Variants in EML4 observed in about 807,000 individuals in gnomAD.
EML4 encodes EMAP like 4, also known as echinoderm microtubule-associated protein-like 4.
EML4 carries 72 observed loss-of-function variants against 129.0 expected under a neutral mutation model. The ratio of observed to expected loss-of-function variants is 0.56; its 90% confidence interval spans 0.46 to 0.68. The LOEUF is 0.68. Among genes scored for constraint, EML4 ranks in the 30% least tolerant of loss-of-function variants. The pLI is 0.00. For missense variants in EML4, 1,363 were observed against 1,190.6 expected, an observed-to-expected ratio of 1.14 and a Z score of -2.13; for synonymous variants, 532 against 405.0, an observed-to-expected ratio of 1.31 and a Z score of -3.77.
Position 42,174,539 on chromosome 2 carries a change from C to T in EML4, c.25+4903C>T, listed in dbSNP as rs201949366. ...CCCCTGACCTCGGGTGATGGCCACGCACCTTGGCCTCCCAAAGTTCTGGGA... is the reference window on the plus strand; with the variant it reads ...CCCCTGACCTCGGGTGATGGCCACGTACCTTGGCCTCCCAAAGTTCTGGGA... On this transcript the variant is annotated intron_variant, in intron 1 of 22. Coordinates refer to ENST00000318522, the MANE Select transcript of EML4 (RefSeq NM_019063.5). Among the ~76,000 whole-genome samples, 10 of 152,274 alleles carry T rather than the reference C, an allele frequency of 6.6e-5. No individual in the cohort carries two copies. The East Asian group carries it at 1.9e-3, about 29-fold the overall frequency.
At chr2:42,239,981 T>G (rs1475453676) in intron 1 of EML4, among the ~76,000 whole-genome samples, 2 of 152,146 alleles carry the variant, frequency 1.3e-5, no homozygotes, top group South Asian at 4.1e-4. Context: ...AATATAGTCA[T>G]CAGAGGAAGG....
intron 1 of EML4, among the ~76,000 whole-genome samples, chr2:42,207,215 A>C (rs1672610061): frequency 6.6e-6 from 1 of 152,228 alleles, no homozygotes; most frequent in Admixed American, 6.5e-5. Flanking sequence ...TTATAAAAGT[A>C]ATTTTTAAAT....
intron 11 of EML4, among the ~76,000 whole-genome samples, chr2:42,292,334 T>C (rs1326618505): frequency 1.3e-5 from 2 of 152,216 alleles, no homozygotes; most frequent in African/African-American, 4.8e-5. Flanking sequence ...CAAATAGCAG[T>C]GCTGTTTATG....
intron 1 of EML4, among the ~76,000 whole-genome samples, chr2:42,189,307 T>A (rs1252058891): frequency 6.6e-6 from 1 of 152,224 alleles, no homozygotes. Context: ...ATGTCTCCTA[T>A]CCCACTACCA....
chr2:42,210,033 A>G (rs971539056), intron 1 of EML4, among the ~76,000 whole-genome samples: 1 of 152,172 alleles, frequency 6.6e-6, no homozygotes. Flanking sequence ...CAGAGTTTCC[A>G]CACACACCCC....
At chr2:42,278,591 A>G (rs947986140) in intron 6 of EML4, among the ~76,000 whole-genome samples, 2 of 148,102 alleles carry the variant, frequency 1.4e-5, no homozygotes, top group Non-Finnish European at 3.0e-5. Flanking sequence ...AAAAAAAAAA[A>G]AAAAAAAAAA....
rs78425039 is a variant in EML4 at position 42,256,720 on chromosome 2, C to G, written c.338+90C>G. ...CCTTTAGAAAGAATATGAAATAGAG[C>G]TGTTTGAATTCAAGTGAGCATGTCC... is the stretch of plus-strand genomic sequence containing the variant. On this transcript the variant is annotated intron_variant, in intron 3 of 22. Coordinates refer to ENST00000318522, the MANE Select transcript of EML4 (RefSeq NM_019063.5). 0.021 allele frequency: 30,714 copies of G among 1,478,916 alleles called. 392 individuals carry two copies. Among genetic ancestry groups the G allele is most frequent in the Non-Finnish European group, 0.023 (24,899 of 1,082,482 alleles). The allele number at this position is 1,478,916 out of a possible 1,614,324, so 91.6% of individuals were successfully genotyped here.
chr2:42,309,301 C>T (rs1159320422), intron 17 of EML4, among the ~76,000 whole-genome samples: 1 of 151,498 alleles, frequency 6.6e-6, no homozygotes, highest in Non-Finnish European at 1.5e-5. Flanking sequence ...CCCAGCTACT[C>T]AGGAGCCTGA....
At chr2:42,199,383 T>C (rs1190683344) in intron 1 of EML4, among the ~76,000 whole-genome samples, 4 of 152,278 alleles carry the variant, frequency 2.6e-5, no homozygotes, top group South Asian at 4.2e-4. Flanking sequence ...TCAAAACTTA[T>C]ATGTAATTTG....
intron 4 of EML4, among the ~76,000 whole-genome samples, chr2:42,261,817 G>C (rs898324892): frequency 6.6e-6 from 1 of 152,138 alleles, no homozygotes; most frequent in East Asian, 1.9e-4. Context: ...CATTTCACCT[G>C]GTCTTTTCTA....
At chr2:42,265,334 A>G (rs138961942) in intron 6 of EML4, among the ~76,000 whole-genome samples, 2,136 of 152,108 alleles carry the variant, frequency 0.014, 56 homozygotes, top group African/African-American at 0.049. Context: ...CAAACTCCTG[A>G]CCTCAGGTGA....
At chr2:42,233,384 C>G (rs1405397711) in intron 1 of EML4, among the ~76,000 whole-genome samples, 1 of 151,528 alleles carries the variant, frequency 6.6e-6, no homozygotes, top group Non-Finnish European at 1.5e-5. Flanking sequence ...CAGCTCCCTG[C>G]AAGCTCTGCC....
chr2:42,329,777 A>T lies in EML4; in HGVS notation c.2516A>T (p.Asn839Ile). The change falls in exon 23 of 23, where the codon AAT becomes ATT. Residue 839 changes from asparagine (N) to isoleucine (I), a missense_variant. Coordinates refer to ENST00000318522, the MANE Select transcript of EML4 (RefSeq NM_019063.5). ...AGTGCCCACAGCAGCCATGTCACCA[A>T]TGTCAGTTTTACTCACAATGACAGT... ...KYSAHSSHVT[N>I]VSFTHNDSHL... 6.2e-7 allele frequency: 1 copy of T among 1,614,142 alleles called. No homozygotes were observed. The highest frequency in any genetic ancestry group is 1.1e-5 in the South Asian group (1 of 91,076).
At chr2:42,174,918 G>C (rs1262594218) in intron 1 of EML4, among the ~76,000 whole-genome samples, 1 of 145,992 alleles carries the variant, frequency 6.8e-6, no homozygotes, top group Non-Finnish European at 1.5e-5. Flanking sequence ...CCCGGGTTTA[G>C]GCAGTTATCT....
rs1179815385 is a variant in EML4 at position 42,174,737 on chromosome 2, T to A, written c.25+5101T>A. On this transcript the variant is annotated intron_variant, in intron 1 of 22. Transcript: ENST00000318522. Reference sequence around the variant, plus strand: ...ATTTACAGTTTACAAAGAGCTTTTATCTCATTTAATTTGCATACTAACCTT... The same window carrying A: ...ATTTACAGTTTACAAAGAGCTTTTAACTCATTTAATTTGCATACTAACCTT... Among the ~76,000 whole-genome samples, 5 of 152,226 alleles carry A rather than the reference T, an allele frequency of 3.3e-5. No homozygotes were observed. In the East Asian group the frequency reaches 9.6e-4, roughly 29 times the overall value.
chr2:42,201,070 A>C (rs1672203465), intron 1 of EML4, among the ~76,000 whole-genome samples: 1 of 152,346 alleles, frequency 6.6e-6, no homozygotes, highest in Non-Finnish European at 1.5e-5. Flanking sequence ...GGATACCTGT[A>C]TTCTAATTTC....
chr2:42,194,608 T>C (rs1671793225), intron 1 of EML4, among the ~76,000 whole-genome samples: 1 of 151,936 alleles, frequency 6.6e-6, no homozygotes, highest in Admixed American at 6.6e-5. Flanking sequence ...CCTCTTGGGC[T>C]CAAGCGATCC....
intron 6 of EML4, among the ~76,000 whole-genome samples, chr2:42,270,536 C>T (rs1572663456): frequency 6.6e-6 from 1 of 152,176 alleles, no homozygotes; most frequent in African/African-American, 2.4e-5. Context: ...TGGCTCCAGG[C>T]ACATTTAGTC....
chr2:42,281,408 A>C, intron 7 of EML4, among the ~76,000 whole-genome samples: 1 of 151,952 alleles, frequency 6.6e-6, no homozygotes, highest in African/African-American at 2.4e-5. Flanking sequence ...AAAAAAAAAA[A>C]AAAAGGAGAC....
Sources: allele counts gnomAD v4.1 joint callset (sites outside exome capture counted in the v4.1 genomes callset), GRCh38; gene constraint gnomAD v4.1.1; transcripts MANE v1.5; gene names NCBI Gene and HGNC (gene_info 2026-07-23, HGNC 2026-07-21).